The following LRSAM1 variants were observed in gnomAD, a reference collection of about 807,000 sequenced individuals.
LRSAM1 encodes E3 ubiquitin-protein ligase LRSAM1.
Under a neutral mutation model 118.1 loss-of-function variants are expected in LRSAM1, and 96 were observed. The ratio of observed to expected loss-of-function variants is 0.81; its 90% CI spans 0.69 to 0.96. LRSAM1 has a LOEUF of 0.96. Among genes scored for constraint, LRSAM1 ranks in the 40% least tolerant of loss-of-function variants. LRSAM1 has a pLI of 0.00. For synonymous variants in LRSAM1, 322 were observed against 364.2 expected, an observed-to-expected ratio of 0.88 and a Z score of 1.32; for missense variants, 804 against 915.5, an observed-to-expected ratio of 0.88 and a Z score of 1.57.
chr9:127,458,331 G>A (rs1229846705), intron 6 of LRSAM1, among the ~76,000 whole-genome samples: 1 of 151,388 alleles, frequency 6.6e-6, no homozygotes, highest in East Asian at 1.9e-4. Context: ...GCAGTGAGCC[G>A]AGATTGCGCC....
chr9:127,494,671 C>T (rs946339445), intron 21 of LRSAM1, among the ~76,000 whole-genome samples: 1 of 152,202 alleles, frequency 6.6e-6, no homozygotes, highest in Non-Finnish European at 1.5e-5. Context: ...AGGCTGGGTG[C>T]AGTGGCTCAC....
intron 25 of LRSAM1, 109 bp downstream of exon 25, chr9:127,501,252 AC>A (rs1836381700): frequency 7.2e-7 from 1 of 1,384,452 alleles, no homozygotes; most frequent in African/African-American, 1.4e-5. Flanking sequence ...CTCTAAGTAG[AC>A]TGTGCTCATC....
rs1414754202 is a variant in LRSAM1, at chr9:127,459,015, C to T, written c.265C>T (p.His89Tyr). The stretch of plus-strand genomic sequence containing the variant: ...CTTTCTTCTGCAGGTTCTAGATCTC[C>T]ACGATAATCAGCTGACAGCCCTTCC... ...SLATIKVLDL[H>Y]DNQLTALPDD... The change falls in exon 7 of 26, where the codon CAC becomes TAC. Residue 89 changes from histidine to tyrosine, a missense_variant. Transcript: ENST00000300417. The T allele has an allele frequency of 6.2e-7, 1 of 1,613,818 alleles. No homozygotes were observed. Among genetic ancestry groups the T allele is most frequent in the African/African-American group, 1.3e-5 (1 of 75,030 alleles).
Position 127,479,969 on chromosome 9 carries a change from ACAAT to A in LRSAM1, c.1037_1040del (p.Asn346ArgfsTer10), listed in dbSNP as rs1588121150. 1 of 1,614,210 alleles carries A rather than the reference ACAAT, an allele frequency of 6.2e-7. No homozygotes were observed. The highest frequency in any genetic ancestry group is 1.6e-4 in the Middle Eastern group (1 of 6,062). ...AGCCGGATCCAGAAGCTGCTGCAGG[ACAAT>A]CAGAGGTTGGGCTCTGCTCCTCGGC... is the stretch of plus-strand genomic sequence containing the variant. On this transcript the variant is annotated frameshift_variant, in exon 14 of 26. Coordinates refer to ENST00000300417, the MANE Select transcript of LRSAM1 (RefSeq NM_001005373.4). LOFTEE classifies it high-confidence loss of function.
At chr9:127,494,401 C>G (rs1048956652) in intron 21 of LRSAM1, among the ~76,000 whole-genome samples, 18 of 152,372 alleles carry the variant, frequency 1.2e-4, no homozygotes, top group Admixed American at 3.3e-4. Flanking sequence ...ATTCCTGGCC[C>G]CACCCTGGGC....
At chr9:127,500,750 A>T (rs574699485) in intron 24 of LRSAM1, among the ~76,000 whole-genome samples, 26 of 152,322 alleles carry the variant, frequency 1.7e-4, no homozygotes, top group Non-Finnish European at 4.4e-5. Flanking sequence ...GACATTAGAG[A>T]TCAGAGGACC....
intron 16 of LRSAM1, among the ~76,000 whole-genome samples, chr9:127,484,710 A>C (rs1387352673): frequency 2.6e-5 from 4 of 151,622 alleles, no homozygotes; most frequent in Non-Finnish European, 4.4e-5. Context: ...GGTTGTTTCC[A>C]CTTTTTGACT....
At chr9:127,458,600 A>T (rs2798430) in intron 6 of LRSAM1, among the ~76,000 whole-genome samples, 64,394 of 151,858 alleles carry the variant, frequency 0.42, 14,499 homozygotes, top group Non-Finnish European at 0.49. Flanking sequence ...AAAATAAAAT[A>T]AAATTAAATT....
chr9:127,494,867 A>G (rs1836064557), intron 21 of LRSAM1, among the ~76,000 whole-genome samples: 1 of 152,210 alleles, frequency 6.6e-6, no homozygotes, highest in African/African-American at 2.4e-5. Flanking sequence ...ACAGAGCAAG[A>G]GTCCATCTCA....
chr9:127,481,053 C>T, intron 14 of LRSAM1, 130 bp from the exon 15 acceptor site: 5 of 902,098 alleles, frequency 5.5e-6, no homozygotes, highest in Non-Finnish European at 8.8e-6. Context: ...GGCTAAGAAC[C>T]CAGAGCTTCA....
intron 8 of LRSAM1, 118 bp from the exon 9 acceptor site, chr9:127,462,134 C>A: frequency 2.8e-6 from 4 of 1,446,310 alleles, no homozygotes; most frequent in Non-Finnish European, 3.8e-6. Context: ...CCTAGGAAAC[C>A]TCAGAGCCCA....
intron 7 of LRSAM1, among the ~76,000 whole-genome samples, chr9:127,459,410 T>A (rs779523448): frequency 7.3e-5 from 11 of 151,510 alleles, no homozygotes; most frequent in Non-Finnish European, 1.6e-4. Context: ...GTAGAGATGG[T>A]GTTTCGCCTT....
chr9:127,497,126 G>C lies in LRSAM1; in HGVS notation c.1831-127G>C. ...CTGACCGTGGGCCCCGCCAGGCCCC[G>C]GAAGGCTTCCACATTTCCAGCAGGA... On this transcript the variant is annotated intron_variant, in intron 23 of 25. Transcript: ENST00000300417. 3.1e-6 allele frequency: 3 copies of C among 956,730 alleles called. No homozygotes were observed. The South Asian group carries it at 4.1e-5, about 13-fold the overall frequency. 59.3% of individuals were successfully genotyped at this position (956,730 alleles called of 1,614,324 possible).
intron 24 of LRSAM1, among the ~76,000 whole-genome samples, chr9:127,500,365 A>AAAAAAAT: frequency 6.6e-6 from 1 of 150,438 alleles, no homozygotes; most frequent in African/African-American, 2.4e-5. Context: ...TCTCAAAAAA[A>AAAAAAAT]AAAAAAAAAA....
chr9:127,479,334 A>G (rs201316223), intron 12 of LRSAM1, 49 bp from the exon 13 acceptor site: 1 of 1,613,284 alleles, frequency 6.2e-7, no homozygotes, highest in African/African-American at 1.3e-5. Context: ...TCTGTGTCCT[A>G]ACTCCCCCAG....
intron 16 of LRSAM1, among the ~76,000 whole-genome samples, chr9:127,484,867 G>A (rs958782116): frequency 6.9e-6 from 1 of 144,816 alleles, no homozygotes; most frequent in Non-Finnish European, 1.5e-5. Context: ...GGAGTGCAGT[G>A]GCATGATCTC....
At position 127,469,826 on chromosome 9, in the gene LRSAM1, G is replaced by C. The variant is rs749417504; in HGVS notation, c.619+1996G>C. Among the ~76,000 whole-genome samples the C allele has an allele frequency of 6.6e-5, 10 of 152,126 alleles. No homozygotes were observed. The South Asian group carries it at 1.0e-3, about 16-fold the overall frequency. ...AAAATACAAAAAAAATTAGCAAGGC[G>C]TGGTGGCGGGCGCCTGTAGTCCCAG... On this transcript the variant is annotated intron_variant, in intron 10 of 25. Transcript: ENST00000300417.
At chr9:127,479,320 G>T in intron 12 of LRSAM1, 63 bp from the exon 13 acceptor site, 1 of 1,612,664 alleles carries the variant, frequency 6.2e-7, no homozygotes, top group South Asian at 1.1e-5. Flanking sequence ...GGATTCTCCC[G>T]ACTTCTGTGT....
At position 127,479,408 on chromosome 9, in the gene LRSAM1, A is replaced by C. The variant is rs777339104; in HGVS notation, c.806A>C (p.Glu269Ala). Residue 269 changes from glutamate (E) to alanine (A), a missense_variant, in exon 13 of 26, where the codon GAG becomes GCG. Transcript: ENST00000300417. ...GAACAGAAGATGCTGGAGAAACTCG[A>C]GTTTGAACGGCGCCTGGAACTGGGG... ...RKEQKMLEKL[E>A]FERRLELGQR... 1.9e-6 allele frequency: 3 copies of C among 1,614,172 alleles called. No individual in the cohort carries two copies. Among genetic ancestry groups the C allele is most frequent in the Non-Finnish European group, 2.5e-6 (3 of 1,180,020 alleles).
Sources: gnomAD v4.1 joint callset for allele counts (sites outside exome capture counted in the v4.1 genomes callset) on GRCh38, gnomAD v4.1.1 for gene constraint, MANE v1.5 for transcripts, NCBI Gene and HGNC (gene_info 2026-07-23, HGNC 2026-07-21) for gene names.